The following LACTB2 variants were observed in gnomAD, a reference collection of about 807,000 sequenced individuals.
LACTB2 encodes the protein endoribonuclease LACTB2.
In LACTB2, 32 loss-of-function variants were observed where a neutral mutation model predicts 34.8. The observed-to-expected ratio is 0.92, with a 90% confidence interval of 0.69 to 1.24. The LOEUF (loss-of-function observed/expected upper bound fraction) is 1.24, where lower values mean the gene tolerates loss of function less well. Among genes scored for constraint, LACTB2 ranks in the 50% most tolerant of loss-of-function variants. The pLI is 0.00. For synonymous variants in LACTB2, 120 were observed against 117.5 expected (o/e 1.02, Z -0.14); for missense variants, 320 against 345.0 (o/e 0.93, Z 0.57).
chr8:70,661,227 G>C (rs772409550), intron 2 of LACTB2: 2 of 353,430 alleles, frequency 5.7e-6, no homozygotes, highest in Non-Finnish European at 1.1e-5. Context: ...ATGAATGAAT[G>C]AATCTAGGTA....
At chr8:70,649,520 C>T (rs576566763) in intron 3 of LACTB2, among the ~76,000 whole-genome samples, 3 of 152,292 alleles carry the variant, frequency 2.0e-5, no homozygotes, top group Admixed American at 6.5e-5. Context: ...GTTTACTACA[C>T]GGTTCAGCTG....
At chr8:70,666,283 A>C (rs11987501) in intron 1 of LACTB2, among the ~76,000 whole-genome samples, 48,624 of 152,038 alleles carry the variant, frequency 0.32, 9,155 homozygotes, top group Non-Finnish European at 0.43. Context: ...AAATCATTTC[A>C]TTATCATTGA....
intron 3 of LACTB2, among the ~76,000 whole-genome samples, chr8:70,649,655 T>G (rs1818313494): frequency 6.6e-6 from 1 of 152,190 alleles, no homozygotes; most frequent in African/African-American, 2.4e-5. Flanking sequence ...AATTCTAATT[T>G]TTTCTTAGTG....
At chr8:70,668,710 C>G (rs1198290337) in intron 1 of LACTB2, among the ~76,000 whole-genome samples, 1 of 149,140 alleles carries the variant, frequency 6.7e-6, no homozygotes, top group Admixed American at 6.8e-5. Flanking sequence ...CCCTGGCATT[C>G]AAACATCAAG....
chr8:70,641,854 T>C (rs1157824306), intron 4 of LACTB2, among the ~76,000 whole-genome samples: 1 of 152,222 alleles, frequency 6.6e-6, no homozygotes, highest in African/African-American at 2.4e-5. Context: ...CAGGCTAACC[T>C]ATTACGGGAT....
intron 5 of LACTB2, among the ~76,000 whole-genome samples, chr8:70,639,076 C>G (rs1818161516): frequency 6.6e-6 from 1 of 151,918 alleles, no homozygotes; most frequent in Non-Finnish European, 1.5e-5. Context: ...ACATTTTTAA[C>G]AATTTCACTT....
rs1238320517 is a variant in LACTB2 at position 70,661,750 on chromosome 8, A to C, written c.270T>G (p.Cys90Trp). ...TCTGTTTACCATTATTGATGCTTTT[A>C]CAAATATCTCCTATGCCTCCAGAAT... ...RDHSGGIGDI[C>W]KSINNDTTYC... The change falls in exon 2 of 7, where the codon TGT becomes TGG. Residue 90 changes from cysteine to tryptophan, a missense_variant. Coordinates refer to ENST00000276590, the MANE Select transcript of LACTB2 (RefSeq NM_016027.3). 2 of 1,608,386 alleles carry C rather than the reference A, an allele frequency of 1.2e-6. No individual in the cohort carries two copies. The highest frequency in any genetic ancestry group is 1.7e-6 in the Non-Finnish European group (2 of 1,178,692).
intron 4 of LACTB2, 141 bp downstream of exon 4, chr8:70,643,923 AT>A: frequency 1.4e-6 from 1 of 696,188 alleles, no homozygotes; most frequent in East Asian, 3.5e-5. Context: ...CCACTTTGGC[AT>A]GCCTGTATAC....
At chr8:70,647,724 C>A (rs1472164261) in intron 3 of LACTB2, among the ~76,000 whole-genome samples, 2 of 152,098 alleles carry the variant, frequency 1.3e-5, no homozygotes, top group Non-Finnish European at 1.5e-5. Flanking sequence ...CTGCAGAATT[C>A]CTCAAAGTCT....
chr8:70,667,568 G>C (rs973845189), intron 1 of LACTB2, among the ~76,000 whole-genome samples: 5 of 152,202 alleles, frequency 3.3e-5, no homozygotes, highest in African/African-American at 1.2e-4. Context: ...TAAGACGAGA[G>C]ACTATAAATC....
chr8:70,638,927 A>C (rs1333287282), intron 5 of LACTB2, among the ~76,000 whole-genome samples: 2 of 151,664 alleles, frequency 1.3e-5, no homozygotes, highest in Non-Finnish European at 2.9e-5. Context: ...TTTAGTAGAG[A>C]CGGGGTTTCA....
At chr8:70,650,244 A>C (rs1227965182) in intron 3 of LACTB2, among the ~76,000 whole-genome samples, 1 of 152,208 alleles carries the variant, frequency 6.6e-6, no homozygotes, top group African/African-American at 2.4e-5. Flanking sequence ...ATAATCTATA[A>C]AAAGTAGTAT....
At chr8:70,660,812 C>G (rs1439499984) in intron 2 of LACTB2, 1 of 454,728 alleles carries the variant, frequency 2.2e-6, no homozygotes, top group East Asian at 7.0e-5. Flanking sequence ...TTTTTTCATT[C>G]TGGTGCCCAG....
chr8:70,665,537 A>T (rs1818525454), intron 1 of LACTB2, among the ~76,000 whole-genome samples: 1 of 152,262 alleles, frequency 6.6e-6, no homozygotes, highest in Admixed American at 6.5e-5. Flanking sequence ...TGAGGAAAGC[A>T]GAAGTGATAA....
chr8:70,649,406 T>G (rs1251792615), intron 3 of LACTB2, among the ~76,000 whole-genome samples: 2 of 152,148 alleles, frequency 1.3e-5, no homozygotes, highest in Non-Finnish European at 2.9e-5. Context: ...TAAGGGAAGA[T>G]TTATATACTC....
At chr8:70,649,401 G>C (rs1818309344) in intron 3 of LACTB2, among the ~76,000 whole-genome samples, 1 of 152,186 alleles carries the variant, frequency 6.6e-6, no homozygotes, top group African/African-American at 2.4e-5. Flanking sequence ...CACCCTAAGG[G>C]AAGATTTATA....
intron 3 of LACTB2, among the ~76,000 whole-genome samples, chr8:70,654,140 G>A (rs545868917): frequency 1.3e-5 from 2 of 152,142 alleles, no homozygotes; most frequent in African/African-American, 4.8e-5. Flanking sequence ...TTATACAAAA[G>A]CTGGAGAAGA....
chr8:70,653,276 AT>A (rs1396570771), intron 3 of LACTB2, among the ~76,000 whole-genome samples: 1 of 151,540 alleles, frequency 6.6e-6, no homozygotes, highest in Non-Finnish European at 1.5e-5. Flanking sequence ...ATGCCTGGCT[AT>A]TTTTTTTGTA....
chr8:70,657,878 A>G lies in LACTB2; in HGVS notation c.291T>C (p.Thr97=). 3.1e-6 allele frequency: 5 copies of G among 1,588,272 alleles called. No individual in the cohort carries two copies. The highest frequency in any genetic ancestry group is 4.3e-6 in the Non-Finnish European group (5 of 1,159,018). The change falls in exon 3 of 7, where the codon ACT becomes ACC. Residue 97 remains threonine (T), a synonymous_variant. Coordinates refer to ENST00000276590, the MANE Select transcript of LACTB2 (RefSeq NM_016027.3). The stretch of plus-strand genomic sequence containing the variant: ...GTGGGAGTTTTTTAATGCAATAGGT[A>G]GTGTCTAGTCATAAAACATATAAAA... The part of the protein sequence containing the change: ...GDICKSINND[T]TYCIKKLPRN...
Sources: allele counts gnomAD v4.1 joint callset (sites outside exome capture counted in the v4.1 genomes callset), GRCh38; gene constraint gnomAD v4.1.1; transcripts MANE v1.5; gene names NCBI Gene and HGNC (gene_info 2026-07-23, HGNC 2026-07-21).